The following GRID1 variants were observed in gnomAD, a reference collection of about 807,000 sequenced individuals.
The protein encoded by GRID1 is glutamate receptor ionotropic, delta-1.
GRID1 carries 28 observed loss-of-function variants against 98.0 expected under a neutral mutation model. The ratio of observed to expected loss-of-function variants is 0.29; its 90% CI spans 0.21 to 0.39. GRID1 has a LOEUF of 0.39. Among genes scored for constraint, GRID1 ranks in the 10% least tolerant of loss-of-function variants. The probability of loss-of-function intolerance (pLI) is 1.00; values close to 1 mark genes in which losing one functional copy is unlikely to be tolerated. For missense variants in GRID1, 1,111 were observed against 1,340.5 expected, an observed-to-expected ratio of 0.83 and a Z score of 2.67; for synonymous variants, 553 against 538.5, an observed-to-expected ratio of 1.03 and a Z score of -0.37.
intron 8 of GRID1, among the ~76,000 whole-genome samples, chr10:85,806,422 A>C (rs2131741717): frequency 6.6e-6 from 1 of 152,268 alleles, no homozygotes; most frequent in East Asian, 1.9e-4. Flanking sequence ...GTGTTCTTAG[A>C]CTATGGCTAG....
intron 2 of GRID1, among the ~76,000 whole-genome samples, chr10:86,286,406 G>A (rs775098559): frequency 7.9e-5 from 12 of 152,104 alleles, no homozygotes; most frequent in East Asian, 1.9e-4. Flanking sequence ...TGGCTCCTTC[G>A]TCAGCAAAAG....
chr10:85,938,318 T>C (rs1006516316), intron 4 of GRID1, among the ~76,000 whole-genome samples: 1 of 152,228 alleles, frequency 6.6e-6, no homozygotes, highest in African/African-American at 2.4e-5. Flanking sequence ...TACCAGCATC[T>C]AAGTGCTCGG....
intron 8 of GRID1, among the ~76,000 whole-genome samples, chr10:85,833,174 T>C (rs964686920): frequency 2.0e-5 from 3 of 152,162 alleles, no homozygotes; most frequent in African/African-American, 7.2e-5. Flanking sequence ...GCAGGTGGCA[T>C]TGGCAAGGGG....
At chr10:86,243,456 G>T (rs1846669735) in intron 2 of GRID1, among the ~76,000 whole-genome samples, 2 of 152,142 alleles carry the variant, frequency 1.3e-5, no homozygotes, top group Non-Finnish European at 2.9e-5. Flanking sequence ...GGTCCTGTGT[G>T]TCAGATGCCA....
chr10:85,921,555 A>G (rs1841703889), intron 4 of GRID1, among the ~76,000 whole-genome samples: 1 of 152,184 alleles, frequency 6.6e-6, no homozygotes, highest in Non-Finnish European at 1.5e-5. Context: ...AGGGAAATAG[A>G]TGTGGGCCAC....
chr10:86,360,605 A>G lies in GRID1; in HGVS notation c.235+3336T>C, dbSNP rs548322556. Among the ~76,000 whole-genome samples the G allele has an allele frequency of 3.3e-5, 5 of 152,372 alleles. No homozygotes were observed. In the East Asian group the frequency reaches 9.6e-4, roughly 29 times the overall value. ...AAAAAATAATGTAGCTGAAAATATC[A>G]ACGGCCTCAAGAGAAGCTGAGATGG... On this transcript the variant is annotated intron_variant, in intron 2 of 15. Transcript: ENST00000327946.
At chr10:86,205,715 G>C (rs1196933530) in intron 3 of GRID1, among the ~76,000 whole-genome samples, 1 of 152,218 alleles carries the variant, frequency 6.6e-6, no homozygotes, top group African/African-American at 2.4e-5. Flanking sequence ...ATTAAGACTA[G>C]TCTGTTTTTA....
At chr10:86,242,977 G>A (rs1178887575) in intron 2 of GRID1, among the ~76,000 whole-genome samples, 1 of 152,120 alleles carries the variant, frequency 6.6e-6, no homozygotes, top group East Asian at 1.9e-4. Flanking sequence ...GCAGGCCTAC[G>A]CTGGGCCCAG....
rs142780296 is a variant in GRID1 at position 86,063,092 on chromosome 10, T to C, written c.726+75727A>G. ...ATGGAGCCTCCACCTCCACCCCACC[T>C]GGCACCCATGTGTCTTCACTACTGA... On this transcript the variant is annotated intron_variant, in intron 4 of 15. Transcript: ENST00000327946. 3.1e-3 allele frequency among the ~76,000 whole-genome samples: 476 copies of C among 152,320 alleles called. 2 individuals are homozygous for C. The highest frequency in any genetic ancestry group is 0.011 in the African/African-American group (442 of 41,580).
chr10:86,165,002 G>C (rs1442957815), intron 3 of GRID1, among the ~76,000 whole-genome samples: 1 of 152,182 alleles, frequency 6.6e-6, no homozygotes, highest in Non-Finnish European at 1.5e-5. Context: ...TTCAGTGGGG[G>C]GTAGGAAATT....
intron 2 of GRID1, among the ~76,000 whole-genome samples, chr10:86,236,139 TAAC>T (rs1449757624): frequency 2.0e-5 from 3 of 152,336 alleles, no homozygotes; most frequent in Admixed American, 6.5e-5. Context: ...CCCTAAAGAC[TAAC>T]ATTATTGAAC....
intron 8 of GRID1, among the ~76,000 whole-genome samples, chr10:85,842,044 A>G (rs1842965758): frequency 6.6e-6 from 1 of 152,126 alleles, no homozygotes; most frequent in South Asian, 2.1e-4. Flanking sequence ...CTACAGCACA[A>G]TTCACAATAT....
chr10:85,979,055 G>A (rs1048223496), intron 4 of GRID1, among the ~76,000 whole-genome samples: 4 of 152,200 alleles, frequency 2.6e-5, no homozygotes, highest in Middle Eastern at 3.4e-3. Flanking sequence ...GTGGTGGGGT[G>A]GGGGGCTCTA....
chr10:85,812,854 T>G (rs1842684663), intron 8 of GRID1, among the ~76,000 whole-genome samples: 1 of 151,426 alleles, frequency 6.6e-6, no homozygotes, highest in Non-Finnish European at 1.5e-5. Flanking sequence ...TGTGTGTATA[T>G]TATATATATA....
chr10:86,022,960 T>C (rs1293774073), intron 4 of GRID1, among the ~76,000 whole-genome samples: 7 of 151,084 alleles, frequency 4.6e-5, no homozygotes, highest in Non-Finnish European at 8.8e-5. Flanking sequence ...TTTTAAGACC[T>C]GCAAGATTCT....
At chr10:86,036,041 T>G (rs1421973551) in intron 4 of GRID1, among the ~76,000 whole-genome samples, 1 of 151,872 alleles carries the variant, frequency 6.6e-6, no homozygotes, top group Non-Finnish European at 1.5e-5. Context: ...TTACAATCAG[T>G]TAGGAAAAAG....
rs556289742 is a variant in GRID1 at position 85,873,897 on chromosome 10, A to G, written c.781-4717T>C. On this transcript the variant is annotated intron_variant, in intron 5 of 15. Transcript: ENST00000327946. ...TAATTCCAATACTCACCACCATTTA[A>G]TAACCACTGGTTGAACATTAAGCAT... Among the ~76,000 whole-genome samples the G allele has an allele frequency of 3.3e-5, 5 of 152,350 alleles. No individual in the cohort carries two copies. The East Asian group carries it at 9.6e-4, about 29-fold the overall frequency.
chr10:85,770,241 C>A (rs1340944332), intron 8 of GRID1, among the ~76,000 whole-genome samples: 5 of 152,218 alleles, frequency 3.3e-5, no homozygotes, highest in Admixed American at 6.5e-5. Flanking sequence ...CTCTAGCAAA[C>A]TCCAACACAC....
chr10:85,807,231 T>C (rs1375546864), intron 8 of GRID1, among the ~76,000 whole-genome samples: 1 of 151,830 alleles, frequency 6.6e-6, no homozygotes, highest in Admixed American at 6.6e-5. Flanking sequence ...GCACCTGTAG[T>C]CTCAGCTACT....
Sources: allele counts gnomAD v4.1 joint callset (sites outside exome capture counted in the v4.1 genomes callset), GRCh38; gene constraint gnomAD v4.1.1; transcripts MANE v1.5; gene names NCBI Gene and HGNC (gene_info 2026-07-23, HGNC 2026-07-21).